The following LUZP2 variants were observed in gnomAD, a reference collection of about 807,000 sequenced individuals.
The protein encoded by LUZP2 is leucine zipper protein 2.
In LUZP2, 52 loss-of-function variants were observed where a neutral mutation model predicts 51.6. That is an observed-to-expected ratio of 1.01 (90% CI 0.81 to 1.27). The LOEUF is 1.27. LUZP2 is among the 50% of genes most tolerant of loss of function. The pLI is 0.00. For missense variants in LUZP2, 436 were observed against 395.4 expected (o/e 1.10, Z -0.87); for synonymous variants, 154 against 137.3 (o/e 1.12, Z -0.85).
intron 1 of LUZP2, among the ~76,000 whole-genome samples, chr11:24,682,286 G>A (rs1246576221): frequency 6.6e-6 from 1 of 151,880 alleles, no homozygotes; most frequent in Non-Finnish European, 1.5e-5. Flanking sequence ...CTTGAGGACA[G>A]GAGTGTGAGA....
intron 1 of LUZP2, among the ~76,000 whole-genome samples, chr11:24,663,405 T>C (rs563489959): frequency 2.0e-5 from 3 of 152,306 alleles, no homozygotes; most frequent in African/African-American, 4.8e-5. Flanking sequence ...ATCCCAACCA[T>C]GCTTCCTGTA....
chr11:25,044,036 C>A (rs1858175395), intron 9 of LUZP2, among the ~76,000 whole-genome samples: 1 of 11,930 alleles, frequency 8.4e-5, no homozygotes, highest in Admixed American at 1.3e-3. Flanking sequence ...TATATAGAGT[C>A]TATATATATA....
intron 5 of LUZP2, among the ~76,000 whole-genome samples, chr11:24,864,815 G>T (rs1460135758): frequency 6.6e-6 from 1 of 152,144 alleles, no homozygotes; most frequent in Non-Finnish European, 1.5e-5. Flanking sequence ...TCATGAAGAG[G>T]TGATGCCACA....
chr11:24,562,866 A>ATC (rs1852095206), intron 1 of LUZP2, among the ~76,000 whole-genome samples: 3 of 146,888 alleles, frequency 2.0e-5, no homozygotes, highest in Non-Finnish European at 4.5e-5. Flanking sequence ...CATCTCTCAA[A>ATC]AAAAAAAAAA....
At chr11:24,852,714 T>C (rs1214624580) in intron 5 of LUZP2, among the ~76,000 whole-genome samples, 1 of 151,904 alleles carries the variant, frequency 6.6e-6, no homozygotes, top group Non-Finnish European at 1.5e-5. Flanking sequence ...TCTAAGTCTT[T>C]TTGTAGGCCT....
At chr11:24,577,932 G>A (rs1048953959) in intron 1 of LUZP2, among the ~76,000 whole-genome samples, 4 of 152,154 alleles carry the variant, frequency 2.6e-5, no homozygotes, top group Non-Finnish European at 5.9e-5. Flanking sequence ...TGAAAAGTCC[G>A]GAGAAAGTCA....
At chr11:24,531,340 C>G (rs1436770594) in intron 1 of LUZP2, among the ~76,000 whole-genome samples, 1 of 150,508 alleles carries the variant, frequency 6.6e-6, no homozygotes, top group Non-Finnish European at 1.5e-5. Context: ...TATTTGAGTA[C>G]AGTGTGATAT....
intron 4 of LUZP2, among the ~76,000 whole-genome samples, chr11:24,750,149 C>A (rs541773356): frequency 2.9e-4 from 44 of 152,282 alleles, no homozygotes; most frequent in African/African-American, 1.1e-3. Flanking sequence ...AAGTGAACAT[C>A]AGAACTAGAA....
At chr11:24,863,409 G>A (rs941182191) in intron 5 of LUZP2, among the ~76,000 whole-genome samples, 2 of 152,054 alleles carry the variant, frequency 1.3e-5, no homozygotes, top group African/African-American at 4.8e-5. Flanking sequence ...CAATACGGAT[G>A]AACCTTGAAA....
chr11:24,727,431 T>C (rs1478576967), intron 1 of LUZP2, among the ~76,000 whole-genome samples: 1 of 152,050 alleles, frequency 6.6e-6, no homozygotes, highest in Non-Finnish European at 1.5e-5. Context: ...GTTATGCACG[T>C]CATTTCATTT....
intron 9 of LUZP2, among the ~76,000 whole-genome samples, chr11:25,025,094 T>C (rs376103803): frequency 2.6e-5 from 4 of 152,216 alleles, no homozygotes; most frequent in Non-Finnish European, 4.4e-5. Context: ...CCTAGCCATA[T>C]GTAGAAAGGT....
intron 7 of LUZP2, among the ~76,000 whole-genome samples, chr11:24,938,224 A>AT (rs1054765872): frequency 6.6e-6 from 1 of 151,172 alleles, no homozygotes. Context: ...ATTGGGATAC[A>AT]TTTTTTTTCT....
At chr11:24,787,806 CT>C (rs572686803) in intron 5 of LUZP2, among the ~76,000 whole-genome samples, 61 of 152,198 alleles carry the variant, frequency 4.0e-4, no homozygotes, top group Admixed American at 1.7e-3. Context: ...ATTATTATTT[CT>C]TTTTTGAAAT....
In LUZP2 at chr11:24,914,554, C is replaced by T; in HGVS notation, c.522+16C>T. The stretch of plus-strand genomic sequence containing the variant: ...ATTATTTAAGGTGAGTCTCTTTTCT[C>T]TCTTTTCCCTGAAACTTGCTAGCTC... On this transcript the variant is annotated intron_variant, in intron 7 of 11. Transcript: ENST00000336930. The T allele has an allele frequency of 6.4e-7, 1 of 1,558,582 alleles. No individual in the cohort carries two copies. The highest frequency in any genetic ancestry group is 8.7e-7 in the Non-Finnish European group (1 of 1,145,050).
chr11:24,828,806 A>G (rs904308535), intron 5 of LUZP2, among the ~76,000 whole-genome samples: 17 of 152,152 alleles, frequency 1.1e-4, no homozygotes, highest in African/African-American at 4.1e-4. Flanking sequence ...GAGGGTCACA[A>G]AGAAAAGTGA....
intron 1 of LUZP2, among the ~76,000 whole-genome samples, chr11:24,603,247 A>G (rs2133871081): frequency 6.6e-6 from 1 of 151,862 alleles, no homozygotes; most frequent in Middle Eastern, 3.4e-3. Flanking sequence ...AAGATTTTCC[A>G]TCCTGCCGTT....
At chr11:24,562,818 C>A (rs572521451) in intron 1 of LUZP2, among the ~76,000 whole-genome samples, 1 of 148,374 alleles carries the variant, frequency 6.7e-6, no homozygotes, top group Non-Finnish European at 1.5e-5. Context: ...GCCGAGATCA[C>A]GCCACTGCAC....
At position 24,567,278 on chromosome 11, in the gene LUZP2, G is replaced by A. The variant is rs1852278780; in HGVS notation, c.62+69973G>A. On this transcript the variant is annotated intron_variant, in intron 1 of 11. Coordinates refer to ENST00000336930, the MANE Select transcript of LUZP2 (RefSeq NM_001009909.4). ...AAAGTAAAAGTTAAATATAAACAGAGATAATACAATCTTAATAATAGAGAA... is the reference window on the plus strand; with the variant it reads ...AAAGTAAAAGTTAAATATAAACAGAAATAATACAATCTTAATAATAGAGAA... Among the ~76,000 whole-genome samples the A allele has an allele frequency of 2.0e-5, 3 of 151,392 alleles. No individual in the cohort carries two copies. In the South Asian group the frequency reaches 6.2e-4, roughly 32 times the overall value.
intron 1 of LUZP2, among the ~76,000 whole-genome samples, chr11:24,714,465 T>C (rs554263496): frequency 6.6e-6 from 1 of 152,270 alleles, no homozygotes; most frequent in African/African-American, 2.4e-5. Context: ...GGAAAGTGTA[T>C]GCCAAGAACA....
Sources: gnomAD v4.1 joint callset for allele counts (sites outside exome capture counted in the v4.1 genomes callset) on GRCh38, gnomAD v4.1.1 for gene constraint, MANE v1.5 for transcripts, NCBI Gene and HGNC (gene_info 2026-07-23, HGNC 2026-07-21) for gene names.